CLSTN2: variants seen among roughly 807,000 people sequenced by gnomAD.
The protein encoded by CLSTN2 is calsyntenin 2, also known as calsyntenin-2.
Under a neutral mutation model 101.2 loss-of-function variants are expected in CLSTN2, and 48 were observed. The observed-to-expected ratio is 0.47, with a 90% CI of 0.38 to 0.60. The LOEUF is 0.60. Ranked by LOEUF, CLSTN2 falls within the 20% of genes least tolerant of loss-of-function variation. The probability of loss-of-function intolerance (pLI) is 0.00; values close to 1 mark genes in which losing one functional copy is unlikely to be tolerated. For synonymous variants in CLSTN2, 481 were observed against 463.6 expected (o/e 1.04, Z -0.48); for missense variants, 1,160 against 1,238.2 (o/e 0.94, Z 0.95).
At chr3:140,509,682 A>T (rs1013943177) in intron 8 of CLSTN2, among the ~76,000 whole-genome samples, 1 of 152,164 alleles carries the variant, frequency 6.6e-6, no homozygotes, top group Non-Finnish European at 1.5e-5. Flanking sequence ...GGCATGTCCC[A>T]TTCCTCCAGG....
intron 1 of CLSTN2, among the ~76,000 whole-genome samples, chr3:140,136,490 G>A (rs186101149): frequency 1.3e-5 from 2 of 152,270 alleles, no homozygotes; most frequent in East Asian, 3.9e-4. Context: ...CACTATTTTT[G>A]TTGCTACTAT....
chr3:140,127,004 A>G (rs949597413), intron 1 of CLSTN2, among the ~76,000 whole-genome samples: 2 of 135,872 alleles, frequency 1.5e-5, no homozygotes, highest in South Asian at 4.9e-4. Flanking sequence ...GGTTATCACT[A>G]TGTGTCATTA....
rs75155048 is a variant in CLSTN2 at position 140,132,286 on chromosome 3, G to A, written c.110-43665G>A. On this transcript the variant is annotated intron_variant, in intron 1 of 16. Coordinates refer to ENST00000458420, the MANE Select transcript of CLSTN2 (RefSeq NM_022131.3). Reference sequence around the variant, plus strand: ...ATAATTATTTTTTTGTGTGTTTGAAGGTGAATAATAAATACATCCATATGC... The same window carrying A: ...ATAATTATTTTTTTGTGTGTTTGAAAGTGAATAATAAATACATCCATATGC... Among the ~76,000 whole-genome samples the A allele has an allele frequency of 6.6e-4, 101 of 152,176 alleles. No homozygotes were observed. The East Asian group carries it at 0.017, about 25-fold the overall frequency.
intron 2 of CLSTN2, among the ~76,000 whole-genome samples, chr3:140,182,128 G>A (rs1023868478): frequency 1.3e-5 from 2 of 152,144 alleles, no homozygotes; most frequent in African/African-American, 4.8e-5. Flanking sequence ...TTGACAAAGA[G>A]GAAGCAAGTT....
Position 140,176,010 on chromosome 3 carries a change from G to T in CLSTN2, c.169G>T (p.Asp57Tyr), listed in dbSNP as rs535846454. 5.5e-5 allele frequency: 89 copies of T among 1,613,772 alleles called. 2 individuals are homozygous for T. The South Asian group carries it at 9.2e-4, about 17-fold the overall frequency. ...SYHGVITENN[D>Y]TVILDPPLVA... ...TCATGGAGTCATAACTGAGAACAAT[G>T]ACACAGTCATTTTGGACCCACCACT... is the stretch of plus-strand genomic sequence containing the variant. Residue 57 changes from aspartate (D) to tyrosine (Y), a missense_variant, in exon 2 of 17, where the codon GAC (aspartate) becomes TAC (tyrosine). Asp to Tyr is a radical substitution (Grantham distance 160, BLOSUM62 -3). Transcript: ENST00000458420.
At chr3:140,437,144 G>C (rs1337960968) in intron 5 of CLSTN2, among the ~76,000 whole-genome samples, 1 of 151,644 alleles carries the variant, frequency 6.6e-6, no homozygotes, top group Non-Finnish European at 1.5e-5. Flanking sequence ...TGCCTCCCAG[G>C]TTCACGCCAT....
chr3:140,195,965 A>C (rs2010637883), intron 2 of CLSTN2, among the ~76,000 whole-genome samples: 2 of 152,256 alleles, frequency 1.3e-5, no homozygotes, highest in Non-Finnish European at 2.9e-5. Context: ...ATATGAATAA[A>C]CAAATGAAAC....
At chr3:140,027,996 C>T (rs145173189) in intron 1 of CLSTN2, among the ~76,000 whole-genome samples, 151 of 152,250 alleles carry the variant, frequency 9.9e-4, no homozygotes, top group Middle Eastern at 3.4e-3. Context: ...AATCCTATCA[C>T]CCTCCCATGC....
chr3:140,444,291 G>A lies in CLSTN2; in HGVS notation c.788-4228G>A, dbSNP rs560614860. The stretch of plus-strand genomic sequence containing the variant: ...CTAAAAATACAAAAATTGGCTGGGC[G>A]TGGTGGCAGGTGCCTGTAGTCCCAG... On this transcript the variant is annotated intron_variant, in intron 5 of 16. Coordinates refer to ENST00000458420, the MANE Select transcript of CLSTN2 (RefSeq NM_022131.3). 5.9e-5 allele frequency among the ~76,000 whole-genome samples: 9 copies of A among 152,220 alleles called. No individual in the cohort carries two copies. In the South Asian group the frequency reaches 1.0e-3, roughly 18 times the overall value.
At chr3:140,337,345 A>G (rs2087453802) in intron 2 of CLSTN2, among the ~76,000 whole-genome samples, 1 of 152,146 alleles carries the variant, frequency 6.6e-6, no homozygotes, top group Admixed American at 6.5e-5. Flanking sequence ...AGCCCCAGAC[A>G]TTCCTTGGCT....
At position 140,566,080 on chromosome 3, in the gene CLSTN2, G is replaced by A. The variant is rs752813186; in HGVS notation, c.2695G>A (p.Asp899Asn). 4.1e-5 allele frequency: 66 copies of A among 1,613,764 alleles called. No homozygotes were observed. Among genetic ancestry groups the A allele is most frequent in the Non-Finnish European group, 5.4e-5 (64 of 1,179,780 alleles). ...EKHEGPGHGE[D>N]ETEGEEEEEA... ...ACATGAAGGACCAGGGCATGGGGAAGATGAGACTGAGGGAGAAGAGGAGGA... is the reference window on the plus strand; with the variant it reads ...ACATGAAGGACCAGGGCATGGGGAAAATGAGACTGAGGGAGAAGAGGAGGA... Residue 899 changes from aspartate (D) to asparagine (N), a missense_variant, in exon 17 of 17, where the codon GAT (aspartate) becomes AAT (asparagine). By Grantham distance (23) the Asp-to-Asn change is conservative. Coordinates refer to ENST00000458420, the MANE Select transcript of CLSTN2 (RefSeq NM_022131.3).
rs1045049949 is a variant in CLSTN2 at position 140,490,645 on chromosome 3, G to C, written c.1344+23914G>C. 2.7e-5 allele frequency among the ~76,000 whole-genome samples: 4 copies of C among 150,884 alleles called. No homozygotes were observed. In the Middle Eastern group the frequency reaches 0.014, roughly 520 times the overall value. ...GGCACATCCACTGGGACTATGTTCT[G>C]GAGAGGCCCTTGGCTTCAAGAGTGA... On this transcript the variant is annotated intron_variant, in intron 8 of 16. Transcript: ENST00000458420.
At chr3:140,360,027 C>T (rs6789157) in intron 2 of CLSTN2, among the ~76,000 whole-genome samples, 61,966 of 144,962 alleles carry the variant, frequency 0.43, 13,850 homozygotes, top group Non-Finnish European at 0.52. Flanking sequence ...CACACACACA[C>T]ATATATATAT....
At chr3:140,298,329 C>T (rs2087022615) in intron 2 of CLSTN2, among the ~76,000 whole-genome samples, 1 of 152,124 alleles carries the variant, frequency 6.6e-6, no homozygotes, top group African/African-American at 2.4e-5. Flanking sequence ...ATATTTGAGG[C>T]CATAATCTAT....
At chr3:140,125,371 G>A (rs1041994087) in intron 1 of CLSTN2, among the ~76,000 whole-genome samples, 13 of 152,092 alleles carry the variant, frequency 8.5e-5, no homozygotes, top group African/African-American at 3.1e-4. Flanking sequence ...GCAATTCTGA[G>A]GCACAAGGGA....
chr3:140,119,830 A>G (rs115567761), intron 1 of CLSTN2, among the ~76,000 whole-genome samples: 178 of 152,210 alleles, frequency 1.2e-3, no homozygotes, highest in African/African-American at 3.8e-3. Context: ...GTCTTAGAAC[A>G]CTGATTTGGG....
chr3:140,043,127 TAC>T (rs1404422964), intron 1 of CLSTN2, among the ~76,000 whole-genome samples: 1 of 152,218 alleles, frequency 6.6e-6, no homozygotes, highest in Non-Finnish European at 1.5e-5. Flanking sequence ...TGAACTAGTT[TAC>T]AGTCCCACCA....
At chr3:140,285,113 C>A (rs987110935) in intron 2 of CLSTN2, among the ~76,000 whole-genome samples, 1 of 151,992 alleles carries the variant, frequency 6.6e-6, no homozygotes, top group African/African-American at 2.4e-5. Flanking sequence ...TTTGGAGGAG[C>A]CATGTGGAAC....
At chr3:139,957,613 C>T (rs933873425) in intron 1 of CLSTN2, among the ~76,000 whole-genome samples, 1 of 151,888 alleles carries the variant, frequency 6.6e-6, no homozygotes, top group African/African-American at 2.4e-5. Context: ...TATTGACTGG[C>T]TGAATAGACA....
Sources: gnomAD v4.1 joint callset for allele counts (sites outside exome capture counted in the v4.1 genomes callset) on GRCh38, gnomAD v4.1.1 for gene constraint, MANE v1.5 for transcripts, NCBI Gene and HGNC (gene_info 2026-07-23, HGNC 2026-07-21) for gene names.